RERE: variants seen among roughly 807,000 people sequenced by gnomAD.
The protein encoded by RERE is arginine-glutamic acid dipeptide repeats protein.
In RERE, 40 loss-of-function variants were observed where a neutral mutation model predicts 146.1. The ratio of observed to expected loss-of-function variants is 0.27; its 90% CI spans 0.21 to 0.36. The LOEUF is 0.36. Ranked by LOEUF, RERE falls within the 10% of genes least tolerant of loss-of-function variation. The pLI, the probability that RERE is intolerant of heterozygous loss-of-function variation, is 1.00. For missense variants in RERE, 1,933 were observed against 2,138.7 expected (o/e 0.90, Z 1.90); for synonymous variants, 1,003 against 866.0 (o/e 1.16, Z -2.78).
intron 11 of RERE, among the ~76,000 whole-genome samples, chr1:8,452,800 C>T (rs1644404080): frequency 6.6e-6 from 1 of 152,080 alleles, no homozygotes; most frequent in African/African-American, 2.4e-5. Flanking sequence ...TTTAATTATC[C>T]AGAAACAGAC....
chr1:8,521,469 T>C (rs1645499734), intron 7 of RERE, among the ~76,000 whole-genome samples: 1 of 152,150 alleles, frequency 6.6e-6, no homozygotes, highest in Non-Finnish European at 1.5e-5. Flanking sequence ...AAGTGAGACC[T>C]GCATGCCTAT....
rs114399201 is a variant in RERE, at chr1:8,505,229, G to A, written c.879+3398C>T. Among the ~76,000 whole-genome samples, 1,508 of 152,250 alleles carry A rather than the reference G, an allele frequency of 9.9e-3. 27 individuals are homozygous for A. The highest frequency in any genetic ancestry group is 0.035 in the African/African-American group (1,462 of 41,552). ...TGAACTATGAAAATATAAAGAAAGAGAGAAAGATACAGACAGACAATTAGG... is the reference window on the plus strand; with the variant it reads ...TGAACTATGAAAATATAAAGAAAGAAAGAAAGATACAGACAGACAATTAGG... On this transcript the variant is annotated intron_variant, in intron 8 of 22. Transcript: ENST00000400908.
In RERE at chr1:8,423,353, C is replaced by T. The variant is rs750226641; in HGVS notation, c.1204-546G>A. ...ACCGGGAACACGAAAGCCAGCGGGC[C>T]TGCCCCACCGTCCGTCATTAAAAGC... On this transcript the variant is annotated intron_variant, in intron 11 of 22. Coordinates refer to ENST00000400908, the MANE Select transcript of RERE (RefSeq NM_001042681.2). The surrounding 1 kb of genome is among the most constrained non-coding windows in gnomAD (Gnocchi z 5.4). The T allele has an allele frequency of 7.8e-5, 14 of 179,092 alleles. No homozygotes were observed. The highest frequency in any genetic ancestry group is 1.5e-4 in the Non-Finnish European group (14 of 92,446). 11.1% of individuals were successfully genotyped at this position (179,092 alleles called of 1,614,324 possible). A position where few individuals can be genotyped will look rare whatever the true frequency, so the allele number is the denominator to read the frequency against.
At chr1:8,497,008 G>A (rs984724135) in intron 9 of RERE, among the ~76,000 whole-genome samples, 1 of 152,156 alleles carries the variant, frequency 6.6e-6, no homozygotes, top group African/African-American at 2.4e-5. Context: ...AGCCCCGAAT[G>A]CATTAGCTAT....
chr1:8,369,508 TAAAAA>T (rs1186718390), intron 12 of RERE, among the ~76,000 whole-genome samples: 2 of 76,892 alleles, frequency 2.6e-5, no homozygotes, highest in African/African-American at 8.5e-5. Context: ...CGCCTTTTAC[TAAAAA>T]AAAAAAAAAA....
chr1:8,488,807 A>G (rs931759025), intron 10 of RERE, among the ~76,000 whole-genome samples: 6 of 152,206 alleles, frequency 3.9e-5, no homozygotes, highest in Non-Finnish European at 8.8e-5. Context: ...TCAAATGAGA[A>G]AAGTTTTTCC....
intron 2 of RERE, among the ~76,000 whole-genome samples, chr1:8,626,079 G>A (rs1646970440): frequency 1.3e-5 from 2 of 152,084 alleles, no homozygotes; most frequent in African/African-American, 4.8e-5. Flanking sequence ...CAGCATTCAG[G>A]CAACATCAAC....
intron 11 of RERE, among the ~76,000 whole-genome samples, chr1:8,449,733 C>T (rs1432181376): frequency 1.3e-5 from 2 of 152,138 alleles, no homozygotes; most frequent in East Asian, 3.9e-4. Flanking sequence ...TTTAGCAGGT[C>T]CTAACAATGA....
intron 10 of RERE, among the ~76,000 whole-genome samples, chr1:8,479,595 G>C (rs967523522): frequency 8.5e-5 from 13 of 152,188 alleles, no homozygotes; most frequent in Non-Finnish European, 1.8e-4. Flanking sequence ...CAGACACACA[G>C]AAGAGAAGGC....
intron 10 of RERE, among the ~76,000 whole-genome samples, chr1:8,486,878 T>C (rs1644908013): frequency 6.6e-6 from 1 of 151,864 alleles, no homozygotes; most frequent in Non-Finnish European, 1.5e-5. Flanking sequence ...CAATCTTTCA[T>C]AAACATCTTA....
rs568522557 is a variant in RERE at position 8,794,465 on chromosome 1, T to C, written c.-145+22695A>G. Among the ~76,000 whole-genome samples the C allele has an allele frequency of 7.2e-5, 11 of 152,166 alleles. No homozygotes were observed. The South Asian group carries it at 2.3e-3, about 32-fold the overall frequency. On this transcript the variant is annotated intron_variant, in intron 1 of 22. Coordinates refer to ENST00000400908, the MANE Select transcript of RERE (RefSeq NM_001042681.2). The stretch of plus-strand genomic sequence containing the variant: ...TTAAAGGGTCCTGGACCTGTGATTG[T>C]TGAGGTGGCAGGGAAAACTGCTACC...
intron 2 of RERE, among the ~76,000 whole-genome samples, chr1:8,647,992 C>T (rs1438861314): frequency 6.6e-6 from 1 of 152,086 alleles, no homozygotes; most frequent in Non-Finnish European, 1.5e-5. Flanking sequence ...AATACATATA[C>T]AGAGAAGTGC....
chr1:8,471,492 G>A (rs1399969955), intron 10 of RERE, among the ~76,000 whole-genome samples: 1 of 149,766 alleles, frequency 6.7e-6, no homozygotes, highest in Non-Finnish European at 1.5e-5. Flanking sequence ...GTAGAAATAG[G>A]GTTTTGCCAT....
chr1:8,581,991 C>T (rs1646372362), intron 4 of RERE, among the ~76,000 whole-genome samples: 1 of 152,012 alleles, frequency 6.6e-6, no homozygotes, highest in African/African-American at 2.4e-5. Flanking sequence ...TGTTGTGACA[C>T]TTTTAATGGC....
At chr1:8,587,795 A>G (rs970695453) in intron 4 of RERE, among the ~76,000 whole-genome samples, 1 of 152,146 alleles carries the variant, frequency 6.6e-6, no homozygotes, top group African/African-American at 2.4e-5. Context: ...TTCTTTGTCT[A>G]AAAAGTTTTT....
intron 1 of RERE, among the ~76,000 whole-genome samples, chr1:8,769,992 G>A (rs1020555136): frequency 1.3e-5 from 2 of 152,078 alleles, no homozygotes; most frequent in Non-Finnish European, 2.9e-5. Flanking sequence ...GTTTCACCAT[G>A]TTGGCCAGAT....
chr1:8,358,320 G>A lies in RERE; in HGVS notation c.4215C>T (p.Arg1405=). 6.2e-7 allele frequency: 1 copy of A among 1,613,622 alleles called. No individual in the cohort carries two copies. Residue 1405 remains arginine (R), a synonymous_variant, in exon 20 of 23, where the codon CGC becomes CGT. Transcript: ENST00000400908. ...GGGGATCGCTGGTCAGCGATGCCAT[G>A]CGCTCTGCGTGGATACGCTCGGCTG... is the stretch of plus-strand genomic sequence containing the variant. The part of the protein sequence containing the change: ...RLAAERIHAE[R]MASLTSDPLA...
chr1:8,427,367 G>C (rs1375710999), intron 11 of RERE, among the ~76,000 whole-genome samples: 1 of 152,004 alleles, frequency 6.6e-6, no homozygotes, highest in East Asian at 1.9e-4. Flanking sequence ...CTTTGTCCTA[G>C]GGCTTTCTGC....
At chr1:8,595,426 A>C (rs1395711595) in intron 4 of RERE, among the ~76,000 whole-genome samples, 1 of 151,994 alleles carries the variant, frequency 6.6e-6, no homozygotes, top group Non-Finnish European at 1.5e-5. Flanking sequence ...CACACACACA[A>C]GAAAAATTCA....
Sources: gnomAD v4.1 joint callset for allele counts (sites outside exome capture counted in the v4.1 genomes callset) on GRCh38, gnomAD v4.1.1 for gene constraint, Gnocchi (gnomAD v3.1) non-coding constraint, MANE v1.5 for transcripts, NCBI Gene and HGNC (gene_info 2026-07-23, HGNC 2026-07-21) for gene names.